Variants in NCKAP5 observed in about 807,000 individuals in gnomAD.
NCKAP5 encodes the protein NCK associated protein 5.
NCKAP5 carries 92 observed loss-of-function variants against 167.0 expected under a neutral mutation model. The observed-to-expected ratio is 0.55, with a 90% CI of 0.47 to 0.66. The LOEUF is 0.66. NCKAP5 is among the 30% of genes least tolerant of loss of function. The pLI, the probability that NCKAP5 is intolerant of heterozygous loss-of-function variation, is 0.00. For synonymous variants in NCKAP5, 891 were observed against 877.4 expected (o/e 1.02, Z -0.27); for missense variants, 2,378 against 2,315.0 (o/e 1.03, Z -0.56).
At chr2:133,203,262 C>T (rs553750548) in intron 5 of NCKAP5, among the ~76,000 whole-genome samples, 1 of 152,164 alleles carries the variant, frequency 6.6e-6, no homozygotes, top group East Asian at 1.9e-4. Flanking sequence ...AAGCTGGAAA[C>T]CATCATTCTG....
intron 8 of NCKAP5, among the ~76,000 whole-genome samples, chr2:132,935,191 G>A (rs1160546415): frequency 6.6e-6 from 1 of 152,170 alleles, no homozygotes; most frequent in East Asian, 1.9e-4. Context: ...ATGTTAAGTA[G>A]ATTTGTAGAT....
chr2:132,972,099 G>A (rs1425812390), intron 7 of NCKAP5, among the ~76,000 whole-genome samples: 1 of 152,202 alleles, frequency 6.6e-6, no homozygotes, highest in Admixed American at 6.5e-5. Context: ...AAGAGTGGGT[G>A]TGGCCATTAA....
At chr2:133,636,457 G>A in the NCKAP5 span, among the ~76,000 whole-genome samples, 2 of 152,166 alleles carry the variant, frequency 1.3e-5, no homozygotes, top group Non-Finnish European at 2.9e-5. Context: ...TCAAGAAGAG[G>A]CGGTTGGATT....
intron 3 of NCKAP5, among the ~76,000 whole-genome samples, chr2:133,305,612 G>C (rs1017071155): frequency 2.6e-5 from 4 of 152,144 alleles, no homozygotes; most frequent in African/African-American, 4.8e-5. Flanking sequence ...TATTAGAATA[G>C]GCAGTTAGGC....
intron 3 of NCKAP5, among the ~76,000 whole-genome samples, chr2:133,410,798 A>G (rs1041139625): frequency 3.3e-5 from 5 of 152,314 alleles, no homozygotes; most frequent in South Asian, 4.1e-4. Context: ...ATTCTTAACC[A>G]TGGCTGTACA....
At chr2:133,281,769 T>C (rs1242126579) in intron 4 of NCKAP5, among the ~76,000 whole-genome samples, 7 of 152,216 alleles carry the variant, frequency 4.6e-5, no homozygotes, top group Non-Finnish European at 7.3e-5. Context: ...TTGAAACAAA[T>C]GCCTATTTCT....
chr2:133,152,700 G>A (rs1048092599), intron 5 of NCKAP5, among the ~76,000 whole-genome samples: 1 of 152,176 alleles, frequency 6.6e-6, no homozygotes, highest in Non-Finnish European at 1.5e-5. Context: ...GCTATATACT[G>A]TATGATTCCA....
intron 5 of NCKAP5, among the ~76,000 whole-genome samples, chr2:133,172,678 T>C (rs904146307): frequency 6.6e-6 from 1 of 151,968 alleles, no homozygotes; most frequent in Non-Finnish European, 1.5e-5. Flanking sequence ...GATGGAGTCT[T>C]GCTCTGTTGC....
At chr2:132,773,364 T>A (rs1367497553) in intron 16 of NCKAP5, among the ~76,000 whole-genome samples, 1 of 152,216 alleles carries the variant, frequency 6.6e-6, no homozygotes, top group Non-Finnish European at 1.5e-5. Flanking sequence ...CTATCTATAT[T>A]CTGAGTTTTA....
chr2:133,495,934 T>C (rs1049767335), intron 3 of NCKAP5, among the ~76,000 whole-genome samples: 2 of 152,224 alleles, frequency 1.3e-5, no homozygotes, highest in African/African-American at 4.8e-5. Flanking sequence ...ACAGATCATG[T>C]GTTTATTCAG....
At chr2:133,013,454 T>C (rs1199123997) in intron 6 of NCKAP5, among the ~76,000 whole-genome samples, 1 of 152,198 alleles carries the variant, frequency 6.6e-6, no homozygotes, top group Admixed American at 6.5e-5. Flanking sequence ...ACGTTTCACA[T>C]GAATGGCAGC....
At chr2:133,593,791 T>C in the NCKAP5 span, among the ~76,000 whole-genome samples, 1 of 152,226 alleles carries the variant, frequency 6.6e-6, no homozygotes, top group Non-Finnish European at 1.5e-5. Context: ...TTTCTTCTTC[T>C]GTGAAACAGG....
chr2:132,879,874 G>A (rs1404578518), intron 8 of NCKAP5, among the ~76,000 whole-genome samples: 2 of 152,040 alleles, frequency 1.3e-5, no homozygotes, highest in East Asian at 1.9e-4. Flanking sequence ...TTTCCCATCC[G>A]TTTTTCTAAA....
intron 3 of NCKAP5, among the ~76,000 whole-genome samples, chr2:133,331,686 A>G (rs1682864997): frequency 1.3e-5 from 2 of 152,216 alleles, no homozygotes; most frequent in Non-Finnish European, 2.9e-5. Flanking sequence ...AACCTTAGCA[A>G]CAGCAGCTGG....
At chr2:133,531,983 G>A (rs1028419611) in intron 2 of NCKAP5, among the ~76,000 whole-genome samples, 1 of 152,160 alleles carries the variant, frequency 6.6e-6, no homozygotes, top group Non-Finnish European at 1.5e-5. Context: ...CTCCCCTGTA[G>A]TAGGAAAGCA....
chr2:133,262,062 T>G lies in NCKAP5; in HGVS notation c.143+40975A>C, dbSNP rs367699860. Among the ~76,000 whole-genome samples, 17 of 152,362 alleles carry G rather than the reference T, an allele frequency of 1.1e-4. No individual in the cohort carries two copies. The East Asian group carries it at 3.3e-3, about 29-fold the overall frequency. ...TTAAAAGACCATAGCTGCTAACATCTGTTGGCTTTCTTGTGTGTGGGCCAC... is the reference window on the plus strand; with the variant it reads ...TTAAAAGACCATAGCTGCTAACATCGGTTGGCTTTCTTGTGTGTGGGCCAC... On this transcript the variant is annotated intron_variant, in intron 4 of 19. Coordinates refer to ENST00000409261, the MANE Select transcript of NCKAP5 (RefSeq NM_207363.3).
Position 133,326,959 on chromosome 2 carries a change from G to A in NCKAP5, c.70-23849C>T, listed in dbSNP as rs114047594. Among the ~76,000 whole-genome samples the A allele has an allele frequency of 7.6e-3, 1,154 of 152,240 alleles. 22 individuals are homozygous for A. Among genetic ancestry groups the A allele is most frequent in the South Asian group, 0.074 (355 of 4,824 alleles). ...CGCAACTGCTGCTGCTGCTGCTGCCGCCAGCCTGGGAACCACATTCTGAGT... is the reference window on the plus strand; with the variant it reads ...CGCAACTGCTGCTGCTGCTGCTGCCACCAGCCTGGGAACCACATTCTGAGT... On this transcript the variant is annotated intron_variant, in intron 3 of 19. Coordinates refer to ENST00000409261, the MANE Select transcript of NCKAP5 (RefSeq NM_207363.3).
chr2:132,744,526 G>A (rs564002930), intron 16 of NCKAP5, among the ~76,000 whole-genome samples: 90 of 151,220 alleles, frequency 6.0e-4, no homozygotes, highest in African/African-American at 2.0e-3. Context: ...AATAAGACAG[G>A]CTTAAAATAA....
chr2:132,835,085 C>T (rs763187452), intron 11 of NCKAP5, among the ~76,000 whole-genome samples: 1 of 151,776 alleles, frequency 6.6e-6, no homozygotes, highest in Non-Finnish European at 1.5e-5. Flanking sequence ...TGTTTTTTGT[C>T]CTTAACTCTG....
Sources: allele counts gnomAD v4.1 joint callset (sites outside exome capture counted in the v4.1 genomes callset), GRCh38; gene constraint gnomAD v4.1.1; transcripts MANE v1.5; gene names NCBI Gene and HGNC (gene_info 2026-07-23, HGNC 2026-07-21).